The following PCGF3 variants were observed in gnomAD, a reference collection of about 807,000 sequenced individuals.
PCGF3 encodes the protein polycomb group ring finger 3, also known as polycomb group RING finger protein 3.
A neutral mutation model predicts 33.1 loss-of-function variants in PCGF3; 7 were observed. That is an observed-to-expected ratio of 0.21 (90% CI 0.12 to 0.40). The LOEUF is 0.40. Among genes scored for constraint, PCGF3 ranks in the 10% least tolerant of loss-of-function variants. The pLI is 1.00. For synonymous variants in PCGF3, 153 were observed against 121.3 expected, an observed-to-expected ratio of 1.26 and a Z score of -1.72; for missense variants, 211 against 313.3, an observed-to-expected ratio of 0.67 and a Z score of 2.46.
intron 8 of PCGF3, among the ~76,000 whole-genome samples, chr4:747,864 C>T (rs1052908970): frequency 7.3e-6 from 1 of 137,640 alleles, no homozygotes; most frequent in Non-Finnish European, 1.6e-5. Flanking sequence ...TTTCTTCCTC[C>T]CGACTTCTTC....
At chr4:714,662 T>C (rs1196952863) in intron 1 of PCGF3, among the ~76,000 whole-genome samples, 1 of 152,186 alleles carries the variant, frequency 6.6e-6, no homozygotes, top group Admixed American at 6.5e-5. Context: ...CTTGTCTCCC[T>C]GTCCGTGGAC....
intron 3 of PCGF3, 167 bp downstream of exon 3, chr4:731,277 G>A (rs1320460472): frequency 5.0e-6 from 2 of 398,646 alleles, no homozygotes; most frequent in African/African-American, 2.1e-5. Flanking sequence ...AGAGTCCAAG[G>A]TCCAGCCAGC....
At chr4:763,015 T>TG (rs932074226) in intron 9 of PCGF3, among the ~76,000 whole-genome samples, 13 of 150,264 alleles carry the variant, frequency 8.7e-5, no homozygotes, top group Non-Finnish European at 1.3e-4. Context: ...TGTCAGGTCA[T>TG]GGGGGGCCAA....
intron 10 of PCGF3, among the ~76,000 whole-genome samples, chr4:765,333 T>C (rs575329562): frequency 7.2e-5 from 11 of 151,984 alleles, no homozygotes; most frequent in Admixed American, 5.2e-4. Flanking sequence ...CTCAGGAGGC[T>C]GAGGCAGGAG....
rs574154439 is a variant in PCGF3, at chr4:730,278, A to C, written c.-189-352A>C. On this transcript the variant is annotated intron_variant, in intron 1 of 10. Coordinates refer to ENST00000362003, the Ensembl canonical transcript of PCGF3. ...CCTCTGAGGTCTTGCATTTGCCCAG[A>C]TCACCCCTGAAATTCACCCCTCCTC... Among the ~76,000 whole-genome samples the C allele has an allele frequency of 3.3e-5, 5 of 152,030 alleles. No individual in the cohort carries two copies. The East Asian group carries it at 9.7e-4, about 30-fold the overall frequency.
chr4:734,863 G>A, intron 4 of PCGF3, 68 bp from the exon 5 acceptor site: 1 of 1,563,328 alleles, frequency 6.4e-7, no homozygotes, highest in Non-Finnish European at 8.7e-7. Context: ...GTGTTCAGTG[G>A]AGCACGCCGA....
At chr4:761,182 C>T in intron 8 of PCGF3, 97 bp from the exon 9 acceptor site, 4 of 1,036,562 alleles carry the variant, frequency 3.9e-6, no homozygotes, top group Non-Finnish European at 5.4e-6. Flanking sequence ...GGTCAGCAGT[C>T]CTAGATTGAG....
intron 8 of PCGF3, among the ~76,000 whole-genome samples, chr4:749,476 C>CTTTTTTTTTTTTTTTTTTTTTTT (rs71640348): frequency 4.0e-5 from 3 of 75,496 alleles, no homozygotes; most frequent in Non-Finnish European, 6.9e-5. Flanking sequence ...ATTTTCTTTC[C>CTTTTTTTTTTTTTTTTTTTTTTT]TTTTTTTTTT....
chr4:761,458 CTT>C (rs746984479), intron 9 of PCGF3, 42 bp downstream of exon 9: 30 of 1,523,470 alleles, frequency 2.0e-5, no homozygotes, highest in South Asian at 4.9e-5. Flanking sequence ...CAAGTCCTCT[CTT>C]ATTTCTAAAG....
chr4:763,367 C>T (rs1351673032), intron 9 of PCGF3, among the ~76,000 whole-genome samples: 1 of 152,014 alleles, frequency 6.6e-6, no homozygotes, highest in East Asian at 1.9e-4. Context: ...CTGGTTCCTC[C>T]AGGGAAGAGT....
At chr4:717,566 G>A (rs1742909497) in intron 1 of PCGF3, among the ~76,000 whole-genome samples, 1 of 152,156 alleles carries the variant, frequency 6.6e-6, no homozygotes, top group South Asian at 2.1e-4. Flanking sequence ...TTATATTAGC[G>A]ACGGGGTTTC....
chr4:738,258 G>C (rs183377213), intron 6 of PCGF3, among the ~76,000 whole-genome samples: 34 of 152,350 alleles, frequency 2.2e-4, no homozygotes, highest in Non-Finnish European at 4.6e-4. Context: ...CAGATCCGTA[G>C]AAACCGTATC....
chr4:719,928 C>T (rs990766377), intron 1 of PCGF3, among the ~76,000 whole-genome samples: 6 of 152,142 alleles, frequency 3.9e-5, no homozygotes, highest in African/African-American at 7.2e-5. Context: ...ACGATGGGAA[C>T]GAGAGTCCAT....
chr4:759,999 C>G (rs565209436), intron 8 of PCGF3, among the ~76,000 whole-genome samples: 26 of 152,168 alleles, frequency 1.7e-4, no homozygotes, highest in African/African-American at 5.8e-4. Context: ...ATCTTCTTCC[C>G]GCTCACATTG....
intron 6 of PCGF3, among the ~76,000 whole-genome samples, chr4:738,506 A>T (rs906024459): frequency 5.9e-5 from 9 of 152,136 alleles, no homozygotes; most frequent in Non-Finnish European, 4.4e-5. Flanking sequence ...AGTGGGCGGG[A>T]TCGGGGCGGG....
intron 3 of PCGF3, among the ~76,000 whole-genome samples, chr4:732,970 G>C (rs962952069): frequency 2.0e-5 from 3 of 152,088 alleles, no homozygotes; most frequent in Non-Finnish European, 4.4e-5. Flanking sequence ...CGAGCAGAGC[G>C]GCTGCGGCAG....
At chr4:754,453 G>A (rs1024370028) in intron 8 of PCGF3, among the ~76,000 whole-genome samples, 3 of 152,222 alleles carry the variant, frequency 2.0e-5, no homozygotes, top group South Asian at 2.1e-4. Flanking sequence ...TTGGCTGGTG[G>A]GGAGCGGAGA....
chr4:748,161 G>A (rs1424168301), intron 8 of PCGF3, among the ~76,000 whole-genome samples: 1 of 152,058 alleles, frequency 6.6e-6, no homozygotes, highest in Non-Finnish European at 1.5e-5. Context: ...CAGAGATGCA[G>A]TAAAAGAATT....
intron 9 of PCGF3, chr4:761,638 A>G (rs752978154): frequency 1.3e-5 from 13 of 982,704 alleles, no homozygotes; most frequent in Non-Finnish European, 1.6e-5. Context: ...CTGTGAGTGG[A>G]AGAGAGAACT....
Sources: allele counts gnomAD v4.1 joint callset (sites outside exome capture counted in the v4.1 genomes callset), GRCh38; gene constraint gnomAD v4.1.1; transcripts MANE v1.5; gene names NCBI Gene and HGNC (gene_info 2026-07-23, HGNC 2026-07-21).